Variants in ST6GALNAC6 observed in about 807,000 individuals in gnomAD.
ST6GALNAC6 encodes ST6 N-acetylgalactosaminide alpha-2,6-sialyltransferase 6, also known as alpha-N-acetylgalactosaminide alpha-2,6-sialyltransferase 6.
ST6GALNAC6 carries 19 observed loss-of-function variants against 34.3 expected under a neutral mutation model. That is an observed-to-expected ratio of 0.55 (90% CI 0.39 to 0.81). The LOEUF is 0.81. Among genes scored for constraint, ST6GALNAC6 ranks in the 40% least tolerant of loss-of-function variants. The pLI is 0.00. For synonymous variants in ST6GALNAC6, 185 were observed against 182.1 expected (o/e 1.02, Z -0.13); for missense variants, 377 against 467.7 (o/e 0.81, Z 1.79).
At chr9:127,894,824 AG>A in intron 3 of ST6GALNAC6, 133 bp from the exon 4 acceptor site, 1 of 948,340 alleles carries the variant, frequency 1.1e-6, no homozygotes, top group Non-Finnish European at 1.6e-6. Context: ...TCCTCCAGGA[AG>A]GCCTCCTTCA....
Position 127,896,266 on chromosome 9 carries a change from G to GCT in ST6GALNAC6, c.92_93insAG (p.Arg32AlafsTer5). On this transcript the variant is annotated frameshift_variant, in exon 3 of 7. Transcript: ENST00000373146. LOFTEE classifies it high-confidence loss of function. The stretch of plus-strand genomic sequence containing the variant: ...CTTTGTTGCTACTCATTTCTCTCCG[G>GCT]CGTCTGCTGAGGGGTAGGTGTCGGC... The GCT allele has an allele frequency of 6.2e-7, 1 of 1,614,158 alleles. No individual in the cohort carries two copies. The highest frequency in any genetic ancestry group is 1.1e-5 in the South Asian group (1 of 91,092).
upstream of ST6GALNAC6, chr9:127,905,838 TG>T: frequency 1.6e-6 from 1 of 639,252 alleles, no homozygotes; most frequent in Non-Finnish European, 2.0e-6. Flanking sequence ...CAGCAGAAAG[TG>T]GGGCCAGAAA....
intron 4 of ST6GALNAC6, among the ~76,000 whole-genome samples, chr9:127,893,989 G>A (rs1408305947): frequency 6.6e-6 from 1 of 152,152 alleles, no homozygotes; most frequent in Non-Finnish European, 1.5e-5. Flanking sequence ...CAGCGGGTAG[G>A]AAAATACCAT....
At chr9:127,894,840 C>T in intron 3 of ST6GALNAC6, 149 bp from the exon 4 acceptor site, 1 of 718,444 alleles carries the variant, frequency 1.4e-6, no homozygotes. Context: ...CCTTCAGCCA[C>T]CTCAGTCCCC....
upstream of ST6GALNAC6, chr9:127,903,519 A>G (rs1830831278): frequency 6.6e-6 from 1 of 152,238 alleles, no homozygotes; most frequent in South Asian, 2.1e-4. Context: ...CAATTAAAAC[A>G]AAAGTCAGCA....
intron 2 of ST6GALNAC6, 29 bp from the exon 3 acceptor site, chr9:127,896,361 G>T: frequency 1.9e-6 from 3 of 1,584,250 alleles, no homozygotes; most frequent in Non-Finnish European, 1.7e-6. Flanking sequence ...GGTTATTATG[G>T]CTTCGGTCCT....
At chr9:127,905,895 C>G (rs970136760), upstream of ST6GALNAC6, 1 of 976,732 alleles carries the variant, frequency 1.0e-6, no homozygotes, top group Non-Finnish European at 1.2e-6. Flanking sequence ...GCCCGGAAAC[C>G]CCCTCCACCT....
chr9:127,901,390 G>C (rs1041970220), upstream of ST6GALNAC6, among the ~76,000 whole-genome samples: 1 of 151,954 alleles, frequency 6.6e-6, no homozygotes, highest in Admixed American at 6.6e-5. Flanking sequence ...AGGAGTTCGA[G>C]ACCAGCCTGG....
chr9:127,888,091 C>A (rs1043088858), intron 5 of ST6GALNAC6, among the ~76,000 whole-genome samples: 1 of 152,176 alleles, frequency 6.6e-6, no homozygotes, highest in African/African-American at 2.4e-5. Context: ...TGTAAATACA[C>A]ACTGCATTTC....
rs1319632966 is a variant in ST6GALNAC6, at chr9:127,890,685, C to A, written c.656G>T (p.Arg219Leu). 2 of 1,613,312 alleles carry A rather than the reference C, an allele frequency of 1.2e-6. No individual in the cohort carries two copies. Among genetic ancestry groups the A allele is most frequent in the African/African-American group, 1.3e-5 (1 of 74,942 alleles). ...GAAGAGGTCGTCAAATTGCCGCATG[C>A]GGCCGGGAGAGACGGCATATGCTTC... ...NMEAYAVSPG[R>L]MRQFDDLFRG... The change falls in exon 5 of 7, where the codon CGC becomes CTC. Residue 219 changes from arginine (R) to leucine (L), a missense_variant. By Grantham distance (102) the Arg-to-Leu change is moderately radical. Coordinates refer to ENST00000373146, the MANE Select transcript of ST6GALNAC6 (RefSeq NM_013443.5). This position sits in a 1 kb window ranked among gnomAD's most constrained non-coding sequence, Gnocchi z 4.3.
chr9:127,903,988 C>CA (rs1338489005), upstream of ST6GALNAC6: 1 of 152,272 alleles, frequency 6.6e-6, no homozygotes, highest in Admixed American at 6.5e-5. Flanking sequence ...GGCCCAGGCT[C>CA]ACTCCAGCAG....
rs140547049 is a variant in ST6GALNAC6, at chr9:127,896,270, C to T, written c.89G>A (p.Arg30Lys). 5.6e-5 allele frequency: 90 copies of T among 1,614,048 alleles called. No homozygotes were observed. Among genetic ancestry groups the T allele is most frequent in the Non-Finnish European group, 7.5e-5 (88 of 1,180,028 alleles). ...PAGRRHLPLS[R>K]RRREMSSNKE... ...GTTGCTACTCATTTCTCTCCGGCGT[C>T]TGCTGAGGGGTAGGTGTCGGCGTCC... The change falls in exon 3 of 7, where the codon AGA becomes AAA. Residue 30 changes from arginine (R) to lysine (K), a missense_variant. By Grantham distance (26) the Arg-to-Lys change is conservative. Transcript: ENST00000373146.
chr9:127,896,417 GTTC>G lies in ST6GALNAC6; in HGVS notation c.27-88_27-86del, dbSNP rs2131555602. The G allele has an allele frequency of 3.5e-6, 4 of 1,144,712 alleles. No homozygotes were observed. The East Asian group carries it at 9.5e-5, about 27-fold the overall frequency. 70.9% of individuals were successfully genotyped at this position (1,144,712 alleles called of 1,614,324 possible). ...GCTACACCTTCTCTGCCCCGCACTA[GTTC>G]TTCTATGCACCCAGAACTTTAAGGC... On this transcript the variant is annotated intron_variant, in intron 2 of 6. Transcript: ENST00000373146.
Position 127,896,345 on chromosome 9 carries a change from A to G in ST6GALNAC6, c.27-13T>C. 1.2e-6 allele frequency: 2 copies of G among 1,605,074 alleles called. No homozygotes were observed. The highest frequency in any genetic ancestry group is 1.7e-6 in the Non-Finnish European group (2 of 1,175,324). ...TGTGGGTTCACACCTGCAAGCCACC[A>G]GAAAGGGTTATTATGGCTTCGGTCC... On this transcript the variant is annotated splice_polypyrimidine_tract_variant and intron_variant, in intron 2 of 6. Coordinates refer to ENST00000373146, the MANE Select transcript of ST6GALNAC6 (RefSeq NM_013443.5).
chr9:127,890,780 G>T lies in ST6GALNAC6; in HGVS notation c.561C>A (p.Ser187Arg), dbSNP rs752914270. The change falls in exon 5 of 7, where the codon AGC becomes AGA. Residue 187 changes from serine to arginine, a missense_variant. By Grantham distance (110) the Ser-to-Arg change is moderately radical. Transcript: ENST00000373146. The surrounding 1 kb of genome is among the most constrained non-coding windows in gnomAD (Gnocchi z 4.3). ...GGCTGCCCTGGGGCTTCTGCATCTT[G>T]CTCGGGGGCCCCCAGAAGATGAACA... ...ETVFIFWGPP[S>R]KMQKPQGSLV... The T allele has an allele frequency of 1.2e-5, 19 of 1,612,302 alleles. No individual in the cohort carries two copies. In the South Asian group the frequency reaches 2.1e-4, roughly 18 times the overall value.
rs1478008522 is a variant in ST6GALNAC6, at chr9:127,890,508, C to T, written c.704+129G>A. ...CATGAAGAGAACTCTCCTAGGAGGCCCAACCAGAGGACGGCGGGACTTGAC... is the reference window on the plus strand; with the variant it reads ...CATGAAGAGAACTCTCCTAGGAGGCTCAACCAGAGGACGGCGGGACTTGAC... On this transcript the variant is annotated intron_variant, in intron 5 of 6. Coordinates refer to ENST00000373146, the MANE Select transcript of ST6GALNAC6 (RefSeq NM_013443.5). This position sits in a 1 kb window ranked among gnomAD's most constrained non-coding sequence, Gnocchi z 4.3. The T allele has an allele frequency of 1.5e-6, 2 of 1,359,124 alleles. No individual in the cohort carries two copies. Among genetic ancestry groups the T allele is most frequent in the Non-Finnish European group, 2.0e-6 (2 of 995,950 alleles). The allele number at this position is 1,359,124 out of a possible 1,614,324, so 84.2% of individuals were successfully genotyped here.
intron 2 of ST6GALNAC6, chr9:127,897,136 C>G: frequency 1.0e-6 from 1 of 980,298 alleles, no homozygotes; most frequent in Non-Finnish European, 1.2e-6. Context: ...CGGCCCAGCT[C>G]TGCTCCGCAC....
Position 127,894,685 on chromosome 9 carries a change from G to C in ST6GALNAC6, c.124C>G (p.Arg42Gly). The C allele has an allele frequency of 6.2e-7, 1 of 1,613,864 alleles. No homozygotes were observed. The highest frequency in any genetic ancestry group is 8.5e-7 in the Non-Finnish European group (1 of 1,179,840). ...AAGAGGATCACGAACACTGCTGACC[G>C]CTGCTCCTGGAGAGAGGAGAGGTCA... ...RREMSSNKEQRSAVFVILFAL... is the reference protein window; with the variant it reads ...RREMSSNKEQGSAVFVILFAL... The change falls in exon 4 of 7, where the codon CGG becomes GGG. Residue 42 changes from arginine (R) to glycine (G), a missense_variant. Physicochemically the swap from Arg to Gly is moderately radical, Grantham distance 125. Coordinates refer to ENST00000373146, the MANE Select transcript of ST6GALNAC6 (RefSeq NM_013443.5).
chr9:127,901,310 G>A (rs558629119), upstream of ST6GALNAC6, among the ~76,000 whole-genome samples: 4 of 152,274 alleles, frequency 2.6e-5, no homozygotes, highest in East Asian at 7.7e-4. Context: ...CACAATAGGG[G>A]CCGGGCGCGG....
Sources: allele counts gnomAD v4.1 joint callset (sites outside exome capture counted in the v4.1 genomes callset), GRCh38; gene constraint gnomAD v4.1.1; non-coding constraint Gnocchi (gnomAD v3.1); transcripts MANE v1.5; gene names NCBI Gene and HGNC (gene_info 2026-07-23, HGNC 2026-07-21).